Variants in SEH1L observed in about 807,000 individuals in gnomAD.
SEH1L encodes the protein SEH1 like nucleoporin, also known as nucleoporin SEH1.
In SEH1L, 18 loss-of-function variants were observed where a neutral mutation model predicts 49.5. That is an observed-to-expected ratio of 0.36 (90% CI 0.25 to 0.54). SEH1L has a LOEUF of 0.54. SEH1L is among the 20% of genes least tolerant of loss of function. The pLI, the probability that SEH1L is intolerant of heterozygous loss-of-function variation, is 0.87. For missense variants in SEH1L, 404 were observed against 528.8 expected (o/e 0.76, Z 2.31); for synonymous variants, 169 against 178.1 (o/e 0.95, Z 0.41).
At chr18:12,959,386 T>A (rs757337206) in intron 3 of SEH1L, among the ~76,000 whole-genome samples, 91 of 152,232 alleles carry the variant, frequency 6.0e-4, no homozygotes, top group Admixed American at 1.1e-3. Flanking sequence ...TTAATAGAGT[T>A]GCCCAGGCTG....
chr18:12,984,166 C>A lies in SEH1L; in HGVS notation c.1046C>A (p.Ser349Ter). 1 of 1,613,766 alleles carries A rather than the reference C, an allele frequency of 6.2e-7. No individual in the cohort carries two copies. Among genetic ancestry groups the A allele is most frequent in the East Asian group, 2.2e-5 (1 of 44,864 alleles). The change falls in exon 8 of 9, where the codon TCA (serine) becomes TAA (stop). Residue 349 changes from serine (S) to a stop codon, truncating the protein, a stop_gained. Transcript: ENST00000399892. LOFTEE classifies it high-confidence loss of function. ...TCAACTATTCCAAGTCTTCAGAATTCATTAAATGGATCTTCTGCTGGCAGG... is the reference window on the plus strand; with the variant it reads ...TCAACTATTCCAAGTCTTCAGAATTAATTAAATGGATCTTCTGCTGGCAGG... ...LGSTIPSLQN[S>*]LNGSSAGRYF...
intron 4 of SEH1L, among the ~76,000 whole-genome samples, chr18:12,963,953 T>C (rs1341878410): frequency 6.6e-6 from 1 of 152,244 alleles, no homozygotes; most frequent in Non-Finnish European, 1.5e-5. Flanking sequence ...CCTCAGGTGA[T>C]CTGCCTGCCT....
In SEH1L at chr18:12,963,390, C is replaced by T; in HGVS notation, c.521+19C>T. 1.9e-6 allele frequency: 3 copies of T among 1,560,608 alleles called. No individual in the cohort carries two copies. The highest frequency in any genetic ancestry group is 1.8e-6 in the Non-Finnish European group (2 of 1,132,082). The stretch of plus-strand genomic sequence containing the variant: ...CTTCAAGGTAAGTTTACATATTAAA[C>T]CTCTGATAACATCCTAGTAAAATAA... On this transcript the variant is annotated intron_variant, in intron 4 of 8. Transcript: ENST00000399892.
In SEH1L at chr18:12,984,062, G is replaced by A. The variant is rs763083382; in HGVS notation, c.942G>A (p.Lys314=). The change falls in exon 8 of 9, where the codon AAG becomes AAA. Residue 314 remains lysine, a synonymous_variant. Coordinates refer to ENST00000399892, the MANE Select transcript of SEH1L (RefSeq NM_001013437.2). ...LWKANYMDNW[K]CTGILKGNGS... ...CAGCTAATTATATGGACAATTGGAA[G>A]TGTACTGGTATTTTGAAAGGTAATG... The A allele has an allele frequency of 6.2e-6, 10 of 1,613,546 alleles. No individual in the cohort carries two copies. Among genetic ancestry groups the A allele is most frequent in the Middle Eastern group, 1.6e-4 (1 of 6,062 alleles).
At position 12,986,880 on chromosome 18, in the gene SEH1L, G is replaced by A; in HGVS notation, c.1089G>A (p.Leu363=). ...SSAGRYFFTP[L]DSPRAGSRWS... is the part of the protein sequence containing the mutation. ...GTTTCAGGTATTTCTTTACCCCTCT[G>A]GATTCCCCACGGGCTGGATCGAGAT... The change falls in exon 9 of 9, where the codon CTG becomes CTA. Residue 363 remains leucine, a synonymous_variant. Coordinates refer to ENST00000399892, the MANE Select transcript of SEH1L (RefSeq NM_001013437.2). 6.3e-7 allele frequency: 1 copy of A among 1,592,856 alleles called. No individual in the cohort carries two copies. Among genetic ancestry groups the A allele is most frequent in the Non-Finnish European group, 8.6e-7 (1 of 1,167,804 alleles).
At chr18:12,955,122 G>A (rs2030772982) in intron 2 of SEH1L, among the ~76,000 whole-genome samples, 2 of 151,390 alleles carry the variant, frequency 1.3e-5, no homozygotes. Flanking sequence ...TTCAAAGGTT[G>A]GTTACGCTAA....
intron 3 of SEH1L, among the ~76,000 whole-genome samples, chr18:12,956,759 G>A (rs1406956976): frequency 1.3e-5 from 2 of 150,510 alleles, no homozygotes; most frequent in Non-Finnish European, 3.0e-5. Flanking sequence ...CTGATAGTTG[G>A]AGAGTTGCTT....
intron 5 of SEH1L, chr18:12,976,350 C>T (rs942672782): frequency 1.3e-5 from 2 of 152,246 alleles, no homozygotes; most frequent in African/African-American, 4.8e-5. Flanking sequence ...TGTTCCGTCC[C>T]CTGGGTAGAA....
At chr18:12,966,802 C>G (rs1195199434) in intron 4 of SEH1L, among the ~76,000 whole-genome samples, 2 of 152,140 alleles carry the variant, frequency 1.3e-5, no homozygotes, top group African/African-American at 4.8e-5. Context: ...ATTCTCTTGT[C>G]TCTGTTCTGT....
chr18:12,951,611 G>A (rs9954360), intron 1 of SEH1L, among the ~76,000 whole-genome samples: 2,139 of 152,290 alleles, frequency 0.014, 50 homozygotes, highest in African/African-American at 0.049. Context: ...GGCTGGTCTC[G>A]AACTCCTGAC....
At chr18:12,979,124 T>C (rs2032051685) in intron 6 of SEH1L, among the ~76,000 whole-genome samples, 1 of 151,272 alleles carries the variant, frequency 6.6e-6, no homozygotes, top group African/African-American at 2.4e-5. Context: ...AGAGGGGGAT[T>C]TGGCAGGGTC....
At chr18:12,980,134 C>T (rs1272967232) in intron 6 of SEH1L, among the ~76,000 whole-genome samples, 3 of 120,000 alleles carry the variant, frequency 2.5e-5, no homozygotes, top group South Asian at 3.0e-4. Context: ...GGCAGAGGGG[C>T]TCCTCACTTC....
intron 3 of SEH1L, among the ~76,000 whole-genome samples, chr18:12,956,911 C>G (rs2030895119): frequency 6.6e-6 from 1 of 152,102 alleles, no homozygotes; most frequent in East Asian, 1.9e-4. Flanking sequence ...ACTAAAAATA[C>G]AAAAAATTAG....
At position 12,951,894 on chromosome 18, in the gene SEH1L, G is replaced by T; in HGVS notation, c.151G>T (p.Ala51Ser). 1 of 1,551,940 alleles carries T rather than the reference G, an allele frequency of 6.4e-7. No homozygotes were observed. Among genetic ancestry groups the T allele is most frequent in the Non-Finnish European group, 8.8e-7 (1 of 1,137,832 alleles). Residue 51 changes from alanine to serine, a missense_variant, in exon 2 of 9, where the codon GCT (alanine) becomes TCT (serine). By Grantham distance (99) the Ala-to-Ser change is moderately conservative. Coordinates refer to ENST00000399892, the MANE Select transcript of SEH1L (RefSeq NM_001013437.2). ...TGAAAGTGGTGATTGGCATTGTACT[G>T]CTAGCTGGAAGGTTAGTATTTATTT... is the stretch of plus-strand genomic sequence containing the variant. ...KSESGDWHCTASWKTHSGSVW... is the reference protein window; with the variant it reads ...KSESGDWHCTSSWKTHSGSVW...
At chr18:12,983,970 A>G (rs748405268) in intron 7 of SEH1L, 70 bp from the exon 8 acceptor site, 189 of 1,215,436 alleles carry the variant, frequency 1.6e-4, no homozygotes, top group Middle Eastern at 2.0e-4. Context: ...GTTTAAGGAC[A>G]TGGGTACAGA....
intron 5 of SEH1L, chr18:12,977,588 G>A (rs1461609754): frequency 2.6e-5 from 4 of 152,138 alleles, no homozygotes; most frequent in African/African-American, 9.7e-5. Context: ...GCCAGGCGTA[G>A]TGGTGCACGC....
chr18:12,948,207 C>A lies in SEH1L; in HGVS notation c.86C>A (p.Thr29Asn). The A allele has an allele frequency of 6.2e-7, 1 of 1,611,764 alleles. No individual in the cohort carries two copies. ...SFDFHGRRMA[T>N]CSSDQSVKVW... The stretch of plus-strand genomic sequence containing the variant: ...GACTTCCACGGGCGGCGGATGGCAA[C>A]CTGCTCCAGCGATCAGAGCGTTAAG... Residue 29 changes from threonine to asparagine, a missense_variant, in exon 1 of 9, where the codon ACC becomes AAC. Around this residue, in one of 3 missense-constraint regions of SEH1L, gnomAD observed 57 missense variants for 71.9 expected, o/e 0.79. Coordinates refer to ENST00000399892, the MANE Select transcript of SEH1L (RefSeq NM_001013437.2).
At chr18:12,961,352 C>T (rs1044760698) in intron 3 of SEH1L, among the ~76,000 whole-genome samples, 1 of 152,176 alleles carries the variant, frequency 6.6e-6, no homozygotes, top group Non-Finnish European at 1.5e-5. Flanking sequence ...ACTACCTTTC[C>T]CTGGCACTGG....
chr18:12,964,065 C>G (rs376406726), intron 4 of SEH1L, among the ~76,000 whole-genome samples: 17 of 152,318 alleles, frequency 1.1e-4, no homozygotes, highest in African/African-American at 3.6e-4. Flanking sequence ...CTTAAAGATA[C>G]ATTGTGGGCA....
Sources: gnomAD v4.1 joint callset for allele counts (sites outside exome capture counted in the v4.1 genomes callset) on GRCh38, gnomAD v4.1.1 for gene constraint, gnomAD v4.1.1 regional missense constraint, MANE v1.5 for transcripts, NCBI Gene and HGNC (gene_info 2026-07-23, HGNC 2026-07-21) for gene names.